LPAR1: variants seen among roughly 807,000 people sequenced by gnomAD.
LPAR1 encodes LPA receptor 1.
In LPAR1, 5 loss-of-function variants were observed where a neutral mutation model predicts 23.8. That is an observed-to-expected ratio of 0.21 (90% CI 0.11 to 0.44). The LOEUF (loss-of-function observed/expected upper bound fraction) is 0.44. LPAR1 is among the 20% of genes least tolerant of loss of function. LPAR1 has a pLI of 0.99. For synonymous variants in LPAR1, 160 were observed against 164.7 expected (o/e 0.97, Z 0.22); for missense variants, 311 against 482.8 (o/e 0.64, Z 3.33).
intron 2 of LPAR1, among the ~76,000 whole-genome samples, chr9:110,993,593 G>C (rs528192654): frequency 1.3e-4 from 20 of 152,232 alleles, no homozygotes; most frequent in Non-Finnish European, 2.5e-4. Flanking sequence ...GGTAATCCAG[G>C]AGAGAAGGAG....
intron 4 of LPAR1, among the ~76,000 whole-genome samples, chr9:110,943,514 T>TG (rs1221215826): frequency 6.6e-6 from 1 of 152,192 alleles, no homozygotes; most frequent in Non-Finnish European, 1.5e-5. Flanking sequence ...GCTTCAAATA[T>TG]TATACTTAAT....
chr9:110,892,856 G>GGCAC (rs1564387088), intron 5 of LPAR1, among the ~76,000 whole-genome samples: 2 of 113,570 alleles, frequency 1.8e-5, no homozygotes, highest in Non-Finnish European at 4.1e-5. Context: ...CAGGCAGGCA[G>GGCAC]GCAGGCAGGC....
intron 4 of LPAR1, among the ~76,000 whole-genome samples, chr9:110,951,138 C>T (rs1031484943): frequency 5.9e-5 from 9 of 151,990 alleles, no homozygotes; most frequent in African/African-American, 1.7e-4. Flanking sequence ...TGTAATAATA[C>T]TTAAAAACTG....
chr9:111,031,461 A>AATAGCC (rs1253456779), intron 2 of LPAR1, among the ~76,000 whole-genome samples: 64 of 151,992 alleles, frequency 4.2e-4, no homozygotes, highest in Non-Finnish European at 8.8e-5. Flanking sequence ...AAAGAAAAAA[A>AATAGCC]ATAGCCAGGC....
chr9:110,896,805 T>TTTC (rs2086510146), intron 5 of LPAR1, among the ~76,000 whole-genome samples: 1 of 150,862 alleles, frequency 6.6e-6, no homozygotes, highest in African/African-American at 2.4e-5. Flanking sequence ...TTTTTTTTTT[T>TTTC]GAGATGGAGT....
At chr9:110,907,639 G>A (rs540964151) in intron 5 of LPAR1, among the ~76,000 whole-genome samples, 4 of 151,922 alleles carry the variant, frequency 2.6e-5, no homozygotes, top group African/African-American at 4.8e-5. Flanking sequence ...CTCAGATAAA[G>A]GATATGTGTT....
chr9:111,029,548 T>C (rs910650070), intron 2 of LPAR1, among the ~76,000 whole-genome samples: 4 of 152,072 alleles, frequency 2.6e-5, no homozygotes. Context: ...CCACAGACCA[T>C]TGAGGCTGGC....
chr9:111,010,175 C>T (rs1197955750), intron 2 of LPAR1, among the ~76,000 whole-genome samples: 2 of 151,762 alleles, frequency 1.3e-5, no homozygotes, highest in East Asian at 3.9e-4. Flanking sequence ...CAGAGACTTA[C>T]AATGTGACAG....
intron 5 of LPAR1, among the ~76,000 whole-genome samples, chr9:110,877,789 T>C (rs1458465186): frequency 6.6e-6 from 1 of 152,210 alleles, no homozygotes. Flanking sequence ...TCTCAATAGC[T>C]AGATTTTAAA....
At chr9:111,032,271 G>A (rs371261789) in intron 2 of LPAR1, among the ~76,000 whole-genome samples, 5 of 152,116 alleles carry the variant, frequency 3.3e-5, no homozygotes, top group African/African-American at 1.2e-4. Context: ...TTCTAGGCTT[G>A]GTTTATCTCC....
In LPAR1 at chr9:110,874,379, T is replaced by G. The variant is rs2078680886; in HGVS notation, c.*1042A>C. 1 of 152,648 alleles carries G rather than the reference T, an allele frequency of 6.6e-6. No homozygotes were observed. The highest frequency in any genetic ancestry group is 6.5e-5 in the Admixed American group (1 of 15,274). 9.5% of individuals were successfully genotyped at this position (152,648 alleles called of 1,614,324 possible). ...AAAAAGATCTACTTATAAAACTGTT[T>G]ACAGTATGACTCCAATTATGTAAAA... On this transcript the variant is annotated 3_prime_UTR_variant, in exon 6 of 6. Transcript: ENST00000683809.
Position 110,983,589 on chromosome 9 carries a change from A to G in LPAR1, c.-181-10031T>C, listed in dbSNP as rs577899470. Among the ~76,000 whole-genome samples, 9 of 152,172 alleles carry G rather than the reference A, an allele frequency of 5.9e-5. No homozygotes were observed. In the East Asian group the frequency reaches 1.7e-3, roughly 29 times the overall value. On this transcript the variant is annotated intron_variant, in intron 2 of 5. Transcript: ENST00000683809. ...GGAGATTGGTTGCACAACAGTCTGA[A>G]TATACTTAACACTACTGAACTGTAC...
At chr9:110,961,293 G>A (rs1268012940) in intron 4 of LPAR1, among the ~76,000 whole-genome samples, 2 of 150,550 alleles carry the variant, frequency 1.3e-5, no homozygotes, top group Non-Finnish European at 3.0e-5. Flanking sequence ...CTGCTATGAA[G>A]AAATACCCAA....
chr9:111,018,039 C>CA (rs146799153), intron 2 of LPAR1, among the ~76,000 whole-genome samples: 8 of 150,986 alleles, frequency 5.3e-5, no homozygotes, highest in South Asian at 2.1e-4. Flanking sequence ...AACAAACAAA[C>CA]AAAAAAAAAC....
rs553787732 is a variant in LPAR1 at position 110,961,578 on chromosome 9, C to T, written c.45+10495G>A. 2.1e-5 allele frequency among the ~76,000 whole-genome samples: 3 copies of T among 142,600 alleles called. No homozygotes were observed. The South Asian group carries it at 6.7e-4, about 32-fold the overall frequency. 93.6% of individuals were successfully genotyped at this position (142,600 alleles called of 152,430 possible). A position where few individuals can be genotyped will look rare whatever the true frequency, so the allele number is the denominator to read the frequency against. ...GAGGTTGCAGTGAACTGTGATCATG[C>T]CACTGCACTTCAGCCTGGGTGACAG... is the stretch of plus-strand genomic sequence containing the variant. On this transcript the variant is annotated intron_variant, in intron 4 of 5. Transcript: ENST00000683809.
At chr9:110,906,290 C>T (rs2091194476) in intron 5 of LPAR1, among the ~76,000 whole-genome samples, 1 of 152,042 alleles carries the variant, frequency 6.6e-6, no homozygotes, top group Non-Finnish European at 1.5e-5. Context: ...CCCTTCCCAA[C>T]TTGGTGTAAT....
chr9:110,929,824 G>C (rs1387152210), intron 5 of LPAR1, among the ~76,000 whole-genome samples: 4 of 151,674 alleles, frequency 2.6e-5, no homozygotes, highest in African/African-American at 9.7e-5. Context: ...TTTAGTATAA[G>C]TATATCCCAT....
chr9:110,884,031 C>G (rs10817102), intron 5 of LPAR1, among the ~76,000 whole-genome samples: 33,535 of 150,400 alleles, frequency 0.22, 4,597 homozygotes, highest in Non-Finnish European at 0.31. Context: ...CATTTTCTCT[C>G]AGAACACTGT....
At chr9:110,952,181 G>A (rs1303590550) in intron 4 of LPAR1, among the ~76,000 whole-genome samples, 1 of 152,170 alleles carries the variant, frequency 6.6e-6, no homozygotes, top group Non-Finnish European at 1.5e-5. Context: ...AAGGCAGCCT[G>A]CTGTTCTGGG....
Sources: gnomAD v4.1 joint callset for allele counts (sites outside exome capture counted in the v4.1 genomes callset) on GRCh38, gnomAD v4.1.1 for gene constraint, MANE v1.5 for transcripts, NCBI Gene and HGNC (gene_info 2026-07-23, HGNC 2026-07-21) for gene names.